Variants in WDR64 observed in about 807,000 individuals in gnomAD.
WDR64 encodes the protein WD repeat domain 64, also known as WD repeat-containing protein 64.
A neutral mutation model predicts 139.3 loss-of-function variants in WDR64; 112 were observed. The observed-to-expected ratio is 0.80, with a 90% confidence interval of 0.69 to 0.94. The LOEUF (loss-of-function observed/expected upper bound fraction) is 0.94. Ranked by LOEUF, WDR64 falls within the 40% of genes least tolerant of loss-of-function variation. WDR64 has a pLI of 0.00. For missense variants in WDR64, 1,206 were observed against 1,293.1 expected, an observed-to-expected ratio of 0.93 and a Z score of 1.03; for synonymous variants, 444 against 437.7, an observed-to-expected ratio of 1.01 and a Z score of -0.18.
At chr1:241,758,040 T>C (rs192267782) in intron 15 of WDR64, among the ~76,000 whole-genome samples, 6 of 152,306 alleles carry the variant, frequency 3.9e-5, no homozygotes, top group African/African-American at 1.4e-4. Flanking sequence ...TTGTTGCATT[T>C]GGTTGGAAAA....
rs1331740582 is a variant in WDR64 at position 241,801,163 on chromosome 1, T to C, written c.3224T>C (p.Leu1075Ser). ...APRRRSLKKN[L>S]VPQINLASSF... ...CGAAGAAGAAGTTTGAAAAAAAATT[T>C]AGTCCCACAAATAAATCTGGCTTCT... Residue 1075 changes from leucine to serine, a missense_variant, in exon 28 of 28, where the codon TTA becomes TCA. By Grantham distance (145) the Leu-to-Ser change is moderately radical. Coordinates refer to ENST00000437684, the MANE Select transcript of WDR64 (RefSeq NM_001367482.1). 1 of 1,613,812 alleles carries C rather than the reference T, an allele frequency of 6.2e-7. No homozygotes were observed. Among genetic ancestry groups the C allele is most frequent in the South Asian group, 1.1e-5 (1 of 91,042 alleles).
intron 1 of WDR64, among the ~76,000 whole-genome samples, chr1:241,659,234 T>C (rs1446092870): frequency 2.0e-5 from 3 of 152,232 alleles, no homozygotes; most frequent in Non-Finnish European, 4.4e-5. Context: ...GCAAAGGACA[T>C]GATCTCATTC....
At chr1:241,739,249 A>G (rs1233190867) in intron 11 of WDR64, among the ~76,000 whole-genome samples, 1 of 152,170 alleles carries the variant, frequency 6.6e-6, no homozygotes, top group African/African-American at 2.4e-5. Context: ...TTTTATATGC[A>G]TACCTTTAGG....
intron 8 of WDR64, among the ~76,000 whole-genome samples, chr1:241,705,036 GA>G (rs1667877881): frequency 6.6e-6 from 1 of 152,120 alleles, no homozygotes; most frequent in African/African-American, 2.4e-5. Flanking sequence ...CGGTTGGGGC[GA>G]GAGCTTCTGG....
rs138409808 is a variant in WDR64 at position 241,676,831 on chromosome 1, C to A, written c.484-1356C>A. Among the ~76,000 whole-genome samples the A allele has an allele frequency of 9.0e-3, 1,369 of 151,596 alleles. 15 individuals are homozygous for A. The highest frequency in any genetic ancestry group is 0.012 in the Non-Finnish European group (790 of 67,944). ...CTCATGGTCTCAAGCCATCCTCCCA[C>A]CTCATGGCCTCCCAAATTGCTGGGA... On this transcript the variant is annotated intron_variant, in intron 4 of 27. Transcript: ENST00000437684.
chr1:241,741,392 G>A, intron 11 of WDR64, 124 bp from the exon 12 acceptor site: 1 of 672,018 alleles, frequency 1.5e-6, no homozygotes, highest in Non-Finnish European at 2.3e-6. Context: ...ACATTTCCTA[G>A]GCATTGATTG....
At chr1:241,752,355 T>C (rs1170771033) in intron 14 of WDR64, among the ~76,000 whole-genome samples, 2 of 152,344 alleles carry the variant, frequency 1.3e-5, no homozygotes, top group Non-Finnish European at 2.9e-5. Context: ...TTTATATTAC[T>C]ATAGCCTTTC....
chr1:241,740,489 G>C (rs550151713), intron 11 of WDR64, among the ~76,000 whole-genome samples: 61 of 152,280 alleles, frequency 4.0e-4, no homozygotes, highest in African/African-American at 1.3e-3. Flanking sequence ...ACACTTCAGA[G>C]AGTGTTTAGT....
At chr1:241,748,767 G>A (rs1473408440) in intron 13 of WDR64, among the ~76,000 whole-genome samples, 1 of 151,886 alleles carries the variant, frequency 6.6e-6, no homozygotes, top group Non-Finnish European at 1.5e-5. Context: ...GTGAAACCTC[G>A]TATCTACTGG....
At chr1:241,705,546 A>AT (rs1553368494) in intron 8 of WDR64, among the ~76,000 whole-genome samples, 7 of 130,496 alleles carry the variant, frequency 5.4e-5, no homozygotes, top group African/African-American at 2.1e-4. Flanking sequence ...TGTCTCTAAA[A>AT]AAATAAATAA....
intron 5 of WDR64, among the ~76,000 whole-genome samples, chr1:241,678,860 G>GAA (rs58075238): frequency 0.026 from 858 of 33,640 alleles, 113 homozygotes; most frequent in East Asian, 0.16. Flanking sequence ...TTCTTAAACT[G>GAA]AAAAAAAAAA....
intron 19 of WDR64, among the ~76,000 whole-genome samples, chr1:241,771,937 CATACATACATATAT>C (rs1157914610): frequency 2.0e-3 from 115 of 56,512 alleles, no homozygotes; most frequent in African/African-American, 6.1e-3. Flanking sequence ...CATATACATA[CATACATACATATAT>C]ATATATATAT....
At chr1:241,787,813 A>T (rs757106427) in intron 23 of WDR64, 36 bp from the exon 24 acceptor site, 1 of 1,527,898 alleles carries the variant, frequency 6.5e-7, no homozygotes, top group Non-Finnish European at 8.8e-7. Flanking sequence ...CAAATTTTCC[A>T]GTTACTTTTT....
intron 21 of WDR64, among the ~76,000 whole-genome samples, chr1:241,779,122 T>C (rs1207405737): frequency 6.6e-6 from 1 of 152,176 alleles, no homozygotes; most frequent in East Asian, 1.9e-4. Context: ...CTTTTGAAGG[T>C]TAATTTTGCA....
chr1:241,717,019 C>G (rs974886882), intron 9 of WDR64, among the ~76,000 whole-genome samples: 1 of 152,144 alleles, frequency 6.6e-6, no homozygotes, highest in African/African-American at 2.4e-5. Flanking sequence ...AATGATAATG[C>G]CCATTTCAGG....
chr1:241,799,202 C>CAAAAAAAAAAAA (rs4046210), intron 27 of WDR64, among the ~76,000 whole-genome samples: 677 of 33,300 alleles, frequency 0.02, 144 homozygotes, highest in African/African-American at 0.089. Flanking sequence ...TTTGTCTCTC[C>CAAAAAAAAAAAA]AAAAAAAAAA....
At chr1:241,729,881 T>C (rs2148216268) in intron 10 of WDR64, among the ~76,000 whole-genome samples, 1 of 152,318 alleles carries the variant, frequency 6.6e-6, no homozygotes, top group African/African-American at 2.4e-5. Flanking sequence ...ATTGGAAACA[T>C]CCATGATTGA....
At chr1:241,800,111 AAAGAG>A (rs1343374079) in intron 27 of WDR64, among the ~76,000 whole-genome samples, 8 of 152,336 alleles carry the variant, frequency 5.3e-5, no homozygotes, top group African/African-American at 1.9e-4. Context: ...GGAAAAAGAA[AAAGAG>A]AAAATAAAAG....
chr1:241,777,122 TCTGA>T (rs1486237725), intron 21 of WDR64, among the ~76,000 whole-genome samples: 1 of 152,208 alleles, frequency 6.6e-6, no homozygotes, highest in African/African-American at 2.4e-5. Context: ...AGAGACAAGG[TCTGA>T]CTCTGTGGCC....
Sources: allele counts gnomAD v4.1 joint callset (sites outside exome capture counted in the v4.1 genomes callset), GRCh38; gene constraint gnomAD v4.1.1; transcripts MANE v1.5; gene names NCBI Gene and HGNC (gene_info 2026-07-23, HGNC 2026-07-21).